Variants in CREB5 observed in about 807,000 individuals in gnomAD.
The protein encoded by CREB5 is cAMP responsive element binding protein 5.
A neutral mutation model predicts 57.1 loss-of-function variants in CREB5; 19 were observed. That is an observed-to-expected ratio of 0.33 (90% confidence interval 0.23 to 0.49). CREB5 has a LOEUF of 0.49. Ranked by LOEUF, CREB5 falls within the 20% of genes least tolerant of loss-of-function variation. CREB5 has a pLI of 0.99. For synonymous variants in CREB5, 238 were observed against 238.3 expected, an observed-to-expected ratio of 1.00 and a Z score of 0.01; for missense variants, 579 against 671.6, an observed-to-expected ratio of 0.86 and a Z score of 1.52.
At chr7:28,422,219 G>A (rs1788299193) in intron 1 of CREB5, among the ~76,000 whole-genome samples, 1 of 152,084 alleles carries the variant, frequency 6.6e-6, no homozygotes, top group African/African-American at 2.4e-5. Flanking sequence ...TGTGCTTCGG[G>A]GAAAAACAGA....
chr7:28,426,157 A>C (rs2128013316), intron 1 of CREB5, among the ~76,000 whole-genome samples: 1 of 152,328 alleles, frequency 6.6e-6, no homozygotes, highest in East Asian at 1.9e-4. Context: ...GTCTTTAGTG[A>C]GACTCCTCTC....
At chr7:28,384,103 T>C (rs945112753) in intron 1 of CREB5, among the ~76,000 whole-genome samples, 8 of 152,154 alleles carry the variant, frequency 5.3e-5, no homozygotes. Flanking sequence ...GCTGAGTGCT[T>C]ATTAGATCGG....
chr7:28,448,733 G>A (rs1038206307), intron 1 of CREB5, among the ~76,000 whole-genome samples: 3 of 152,222 alleles, frequency 2.0e-5, no homozygotes, highest in Non-Finnish European at 4.4e-5. Flanking sequence ...AGGAATTGAC[G>A]AGCTAGCTGG....
intron 7 of CREB5, among the ~76,000 whole-genome samples, chr7:28,760,422 C>G (rs1430761181): frequency 6.6e-6 from 1 of 152,202 alleles, no homozygotes; most frequent in Non-Finnish European, 1.5e-5. Context: ...ACTGATTATA[C>G]CACCTTGAAG....
chr7:28,303,673 A>C (rs989824670), intron 1 of CREB5, among the ~76,000 whole-genome samples: 1 of 152,350 alleles, frequency 6.6e-6, no homozygotes, highest in South Asian at 2.1e-4. Context: ...ATTGATATAA[A>C]TATCTAGTTT....
In CREB5 at chr7:28,745,581, C is replaced by T. The variant is rs190800680; in HGVS notation, c.702+21249C>T. On this transcript the variant is annotated intron_variant, in intron 7 of 10. Coordinates refer to ENST00000357727, the MANE Select transcript of CREB5 (RefSeq NM_182898.4). ...AGCTCTATTCTGAGAACGGAGCAGGCGCAGATGCACCTCATCTCTGCCAGT... is the reference window on the plus strand; with the variant it reads ...AGCTCTATTCTGAGAACGGAGCAGGTGCAGATGCACCTCATCTCTGCCAGT... Among the ~76,000 whole-genome samples the T allele has an allele frequency of 1.3e-3, 203 of 152,282 alleles. 1 individual carries two copies. The Middle Eastern group carries it at 0.014, about 10-fold the overall frequency.
chr7:28,652,406 T>C (rs1232272793), intron 5 of CREB5, among the ~76,000 whole-genome samples: 1 of 152,202 alleles, frequency 6.6e-6, no homozygotes, highest in East Asian at 1.9e-4. Flanking sequence ...GGTTCTGATT[T>C]TTAAAGTGTC....
rs78995383 is a variant in CREB5 at position 28,605,609 on chromosome 7, C to G, written c.464+35072C>G. Among the ~76,000 whole-genome samples, 85 of 152,310 alleles carry G rather than the reference C, an allele frequency of 5.6e-4. No individual in the cohort carries two copies. In the East Asian group the frequency reaches 0.011, roughly 20 times the overall value. On this transcript the variant is annotated intron_variant, in intron 5 of 10. Coordinates refer to ENST00000357727, the MANE Select transcript of CREB5 (RefSeq NM_182898.4). ...GAGCTGACCTTCACTGCTTCCTGCT[C>G]CTTGTTTCCTGCTATTTTAACAACT...
intron 7 of CREB5, among the ~76,000 whole-genome samples, chr7:28,752,892 A>AT (rs36000233): frequency 0.016 from 2,371 of 144,498 alleles, 30 homozygotes; most frequent in East Asian, 0.056. Context: ...TTCTAAAGGG[A>AT]TTTTTTTTTT....
intron 1 of CREB5, among the ~76,000 whole-genome samples, chr7:28,330,067 G>A (rs1785684985): frequency 6.6e-6 from 1 of 152,236 alleles, no homozygotes; most frequent in African/African-American, 2.4e-5. Flanking sequence ...GTCCCCTGAA[G>A]GGCGAGCGTG....
chr7:28,370,166 G>T (rs1010454437), intron 1 of CREB5, among the ~76,000 whole-genome samples: 2 of 152,152 alleles, frequency 1.3e-5, no homozygotes, highest in Non-Finnish European at 2.9e-5. Context: ...CTCATTAGTG[G>T]AAATAGGAGA....
chr7:28,679,052 C>CTTTTTTTTTTTTTTTT lies in CREB5; in HGVS notation c.465-39699_465-39684dup, dbSNP rs56266854. ...CAAACTCATTTTTACTTTTGTAGTTCTTTTTTTTTTTTTTTTTCATTTAAG... is the reference window on the plus strand; with the variant it reads ...CAAACTCATTTTTACTTTTGTAGTTCTTTTTTTTTTTTTTTTTTTTTTTTTTTTTTTTTCATTTAAG... On this transcript the variant is annotated intron_variant, in intron 5 of 10. Coordinates refer to ENST00000357727, the MANE Select transcript of CREB5 (RefSeq NM_182898.4). Among the ~76,000 whole-genome samples, 31 of 123,832 alleles carry CTTTTTTTTTTTTTTTT rather than the reference C, an allele frequency of 2.5e-4. 1 individual carries two copies. Among genetic ancestry groups the CTTTTTTTTTTTTTTTT allele is most frequent in the East Asian group, 1.0e-3 (4 of 3,964 alleles). The allele number at this position is 123,832 out of a possible 152,430, so 81.2% of individuals were successfully genotyped here.
intron 5 of CREB5, among the ~76,000 whole-genome samples, chr7:28,681,457 A>T (rs1262643527): frequency 6.6e-6 from 1 of 151,596 alleles, no homozygotes; most frequent in Non-Finnish European, 1.5e-5. Context: ...GTAGTCTTGA[A>T]CTCCTGGGCT....
chr7:28,579,764 A>G (rs1421242251), intron 5 of CREB5, among the ~76,000 whole-genome samples: 2 of 152,244 alleles, frequency 1.3e-5, no homozygotes, highest in Non-Finnish European at 2.9e-5. Flanking sequence ...TTCTACATGA[A>G]TAATCATAAT....
intron 5 of CREB5, among the ~76,000 whole-genome samples, chr7:28,685,279 G>A (rs1048517031): frequency 6.6e-6 from 1 of 152,170 alleles, no homozygotes; most frequent in Non-Finnish European, 1.5e-5. Flanking sequence ...TTTTGTGGCT[G>A]GGGTCTTTTT....
chr7:28,380,480 G>C (rs1370568195), intron 1 of CREB5, among the ~76,000 whole-genome samples: 1 of 152,184 alleles, frequency 6.6e-6, no homozygotes, highest in Admixed American at 6.5e-5. Context: ...AGAAACAAAA[G>C]GAAGAATCCC....
chr7:28,646,141 G>A (rs1696651914), intron 5 of CREB5, among the ~76,000 whole-genome samples: 2 of 152,120 alleles, frequency 1.3e-5, no homozygotes, highest in Non-Finnish European at 2.9e-5. Context: ...ATGTGAACCT[G>A]TCCCTCATAA....
intron 5 of CREB5, among the ~76,000 whole-genome samples, chr7:28,606,137 G>A (rs1797124306): frequency 6.6e-6 from 1 of 152,094 alleles, no homozygotes; most frequent in South Asian, 2.1e-4. Context: ...GAAAATGGTT[G>A]TGGTAACATT....
At chr7:28,783,854 A>T (rs1807141964) in intron 7 of CREB5, among the ~76,000 whole-genome samples, 1 of 152,190 alleles carries the variant, frequency 6.6e-6, no homozygotes, top group Non-Finnish European at 1.5e-5. Flanking sequence ...CTTCTCATAG[A>T]TTTTCTTAAA....
Sources: allele counts gnomAD v4.1 joint callset (sites outside exome capture counted in the v4.1 genomes callset), GRCh38; gene constraint gnomAD v4.1.1; transcripts MANE v1.5; gene names NCBI Gene and HGNC (gene_info 2026-07-23, HGNC 2026-07-21).